FYN: variants seen among roughly 807,000 people sequenced by gnomAD.
The protein encoded by FYN is FYN proto-oncogene, Src family tyrosine kinase.
A neutral mutation model predicts 70.2 loss-of-function variants in FYN; 10 were observed. The ratio of observed to expected loss-of-function variants is 0.14; its 90% CI spans 0.09 to 0.24. The LOEUF (loss-of-function observed/expected upper bound fraction) is 0.24. FYN is among the 10% of genes least tolerant of loss of function. The pLI, the probability that FYN is intolerant of heterozygous loss-of-function variation, is 1.00. For synonymous variants in FYN, 236 were observed against 248.6 expected (o/e 0.95, Z 0.48); for missense variants, 319 against 673.1 (o/e 0.47, Z 5.82).
chr6:111,790,446 GAA>G lies in FYN; in HGVS notation c.-81-9813_-81-9812del, dbSNP rs1771575954. ...GTAACTCTAAAGTCCTAAGAACACT[GAA>G]AATCTCAGATCGAGTCTCCCACCCC... On this transcript the variant is annotated intron_variant, in intron 2 of 13. Coordinates refer to ENST00000354650, the MANE Select transcript of FYN (RefSeq NM_002037.5). Among the ~76,000 whole-genome samples the G allele has an allele frequency of 2.0e-5, 3 of 152,008 alleles. No individual in the cohort carries two copies. The South Asian group carries it at 6.2e-4, about 32-fold the overall frequency.
intron 5 of FYN, among the ~76,000 whole-genome samples, chr6:111,710,954 T>G (rs758742994): frequency 1.3e-5 from 2 of 152,238 alleles, no homozygotes; most frequent in Non-Finnish European, 2.9e-5. Context: ...ATATATGATT[T>G]AAAGCCTGGC....
intron 4 of FYN, among the ~76,000 whole-genome samples, chr6:111,717,218 G>GT (rs1183915468): frequency 6.6e-6 from 1 of 151,810 alleles, no homozygotes; most frequent in Admixed American, 6.5e-5. Context: ...TTTTTGAGCT[G>GT]TATGTTTGAT....
intron 3 of FYN, among the ~76,000 whole-genome samples, chr6:111,772,776 A>T (rs900976921): frequency 6.6e-6 from 1 of 151,562 alleles, no homozygotes; most frequent in Non-Finnish European, 1.5e-5. Flanking sequence ...GTCATTGTTT[A>T]AAGTTATATA....
rs1422136505 is a variant in FYN at position 111,873,238 on chromosome 6, G to A, written c.-393C>T. The A allele has an allele frequency of 1.3e-5, 2 of 149,378 alleles. No homozygotes were observed. The highest frequency in any genetic ancestry group is 2.4e-5 in the African/African-American group (1 of 40,866). The allele number at this position is 149,378 out of a possible 1,614,324, so 9.3% of individuals were successfully genotyped here. On this transcript the variant is annotated 5_prime_UTR_variant, in exon 1 of 14. Coordinates refer to ENST00000354650, the MANE Select transcript of FYN (RefSeq NM_002037.5). ...CGCTGGGAGAAGCGCGGCGCGCCCG[G>A]GCGGGAGAGGACGCGCCGCTCGCAC...
intron 3 of FYN, among the ~76,000 whole-genome samples, chr6:111,733,499 C>G (rs534867525): frequency 6.6e-6 from 1 of 152,238 alleles, no homozygotes; most frequent in Non-Finnish European, 1.5e-5. Flanking sequence ...GGAATTAAGT[C>G]TTCTGTTTTA....
chr6:111,866,821 G>A (rs958660664), intron 1 of FYN, among the ~76,000 whole-genome samples: 9 of 152,196 alleles, frequency 5.9e-5, no homozygotes, highest in South Asian at 2.1e-4. Flanking sequence ...ATGAAAAACC[G>A]CAAGAGTCCT....
chr6:111,797,737 C>G (rs1287437137), intron 2 of FYN, among the ~76,000 whole-genome samples: 1 of 140,482 alleles, frequency 7.1e-6, no homozygotes, highest in Non-Finnish European at 1.6e-5. Flanking sequence ...CATGACACAC[C>G]CCTCCCAAAA....
At chr6:111,826,558 C>A (rs994907977) in intron 2 of FYN, among the ~76,000 whole-genome samples, 3 of 152,150 alleles carry the variant, frequency 2.0e-5, no homozygotes, top group Non-Finnish European at 4.4e-5. Context: ...AGATTTATAG[C>A]CCCCACTCCC....
chr6:111,805,558 G>T (rs1456410400), intron 2 of FYN, among the ~76,000 whole-genome samples: 1 of 152,056 alleles, frequency 6.6e-6, no homozygotes. Flanking sequence ...TGTGGTTCAG[G>T]TTCCTTCTGC....
intron 3 of FYN, among the ~76,000 whole-genome samples, chr6:111,744,496 G>A (rs12173280): frequency 0.035 from 5,339 of 152,340 alleles, 151 homozygotes; most frequent in East Asian, 0.13. Context: ...CAGCTGGAAA[G>A]ATCTGTTTTT....
At chr6:111,685,489 T>C (rs552217345) in intron 12 of FYN, among the ~76,000 whole-genome samples, 34 of 152,372 alleles carry the variant, frequency 2.2e-4, no homozygotes, top group African/African-American at 8.2e-4. Flanking sequence ...ACCCTGGGGA[T>C]GGCAGAGCAA....
At chr6:111,731,617 G>A (rs150161311) in intron 3 of FYN, among the ~76,000 whole-genome samples, 1 of 152,352 alleles carries the variant, frequency 6.6e-6, no homozygotes, top group East Asian at 1.9e-4. Context: ...CCCTGCCGTG[G>A]TGTAGAATTT....
intron 2 of FYN, among the ~76,000 whole-genome samples, chr6:111,787,153 T>A (rs1454544052): frequency 6.6e-6 from 1 of 152,260 alleles, no homozygotes; most frequent in East Asian, 1.9e-4. Context: ...GCCTATGTCC[T>A]GAATGGTATT....
intron 2 of FYN, among the ~76,000 whole-genome samples, chr6:111,787,762 G>C (rs1057510447): frequency 3.3e-5 from 5 of 152,142 alleles, no homozygotes; most frequent in African/African-American, 1.2e-4. Flanking sequence ...AAGATGAGAG[G>C]AGCTACTCTC....
chr6:111,826,050 G>A (rs1056854774), intron 2 of FYN, among the ~76,000 whole-genome samples: 4 of 152,132 alleles, frequency 2.6e-5, no homozygotes, highest in African/African-American at 7.2e-5. Context: ...AGACAAGCAA[G>A]AGAAAAGGCG....
intron 3 of FYN, among the ~76,000 whole-genome samples, chr6:111,758,326 A>G (rs1802837954): frequency 6.6e-6 from 1 of 152,210 alleles, no homozygotes; most frequent in South Asian, 2.1e-4. Context: ...CTAAATTTGC[A>G]CCGGGAAAGG....
chr6:111,859,048 A>T (rs1773893494), intron 1 of FYN, among the ~76,000 whole-genome samples: 1 of 151,772 alleles, frequency 6.6e-6, no homozygotes, highest in South Asian at 2.1e-4. Flanking sequence ...TCATTTTGGA[A>T]CTCTCCACTT....
chr6:111,807,047 T>C (rs1309983528), intron 2 of FYN, among the ~76,000 whole-genome samples: 2 of 152,296 alleles, frequency 1.3e-5, no homozygotes, highest in Non-Finnish European at 2.9e-5. Flanking sequence ...CTTGGAAGAA[T>C]GGAATGTTGA....
chr6:111,865,732 T>C lies in FYN; in HGVS notation c.-123+7236A>G, dbSNP rs190826858. On this transcript the variant is annotated intron_variant, in intron 1 of 13. Transcript: ENST00000354650. The stretch of plus-strand genomic sequence containing the variant: ...AAAGTCATAACCCATAGTTTTTTCT[T>C]ACTTTATAGTTCATTCTACCTTTAG... Among the ~76,000 whole-genome samples the C allele has an allele frequency of 5.5e-3, 832 of 152,296 alleles. 3 individuals are homozygous for C. Among genetic ancestry groups the C allele is most frequent in the Middle Eastern group, 0.034 (10 of 294 alleles).
Sources: allele counts gnomAD v4.1 joint callset (sites outside exome capture counted in the v4.1 genomes callset), GRCh38; gene constraint gnomAD v4.1.1; transcripts MANE v1.5; gene names NCBI Gene and HGNC (gene_info 2026-07-23, HGNC 2026-07-21).